The following MCF2 variants were observed in gnomAD, a reference collection of about 807,000 sequenced individuals.
MCF2 encodes MCF.2 cell line derived transforming sequence.
A neutral mutation model predicts 82.5 loss-of-function variants in MCF2; 44 were observed. That is an observed-to-expected ratio of 0.53 (90% CI 0.42 to 0.69). The LOEUF is 0.69. MCF2 is among the 30% of genes least tolerant of loss of function. The pLI, the probability that MCF2 is intolerant of heterozygous loss-of-function variation, is 0.00. For missense variants in MCF2, 623 were observed against 663.1 expected, an observed-to-expected ratio of 0.94 and a Z score of 0.66; for synonymous variants, 217 against 224.9, an observed-to-expected ratio of 0.96 and a Z score of 0.32.
intron 6 of MCF2, among the ~76,000 whole-genome samples, chrX:139,623,397 A>AT (rs1407881508): frequency 1.8e-5 from 2 of 111,684 alleles, no homozygotes; most frequent in African/African-American, 6.6e-5. Context: ...CTATGCAGCC[A>AT]TAAAAAAAAC....
At chrX:139,626,544 A>G (rs1028679253) in intron 5 of MCF2, 79 bp downstream of exon 8, 1 of 972,290 alleles carries the variant, frequency 1.0e-6, no homozygotes. Flanking sequence ...TTTAACACTT[A>G]ACATATTGCA....
intron 6 of MCF2, among the ~76,000 whole-genome samples, chrX:139,621,283 C>A (rs150053013): frequency 3.0e-4 from 33 of 111,494 alleles, no homozygotes; most frequent in South Asian, 2.2e-3. Flanking sequence ...TGGACATTGG[C>A]CTTGGGAAAG....
chrX:139,633,978 A>G, intron 1 of MCF2, among the ~76,000 whole-genome samples: 1 of 111,733 alleles, frequency 8.9e-6, no homozygotes, highest in Non-Finnish European at 1.9e-5. Flanking sequence ...AACTGGTTGA[A>G]TAGTACAACC....
At chrX:139,622,275 A>G (rs1354199718) in intron 6 of MCF2, among the ~76,000 whole-genome samples, 10 of 111,556 alleles carry the variant, frequency 9.0e-5, no homozygotes, top group South Asian at 3.8e-4. Flanking sequence ...CTTTTACATT[A>G]TTGGTGGGAC....
intron 1 of MCF2, among the ~76,000 whole-genome samples, chrX:139,695,032 C>CT (rs200562872): frequency 0.074 from 7,033 of 94,757 alleles, 253 homozygotes; most frequent in East Asian, 0.15. Context: ...TGTATTCTTT[C>CT]TTTTTTTTTT....
intron 1 of MCF2, among the ~76,000 whole-genome samples, chrX:139,663,576 G>GT (rs57739559): frequency 0.046 from 3,981 of 86,268 alleles, 180 homozygotes; most frequent in African/African-American, 0.13. Context: ...AGTTTGCTTT[G>GT]TTTTTTTTTT....
chrX:139,594,820 C>A (rs1334038562), intron 19 of MCF2, among the ~76,000 whole-genome samples: 1 of 110,960 alleles, frequency 9.0e-6, no homozygotes, highest in Non-Finnish European at 1.9e-5. Context: ...TTTTCGCAAC[C>A]TACTCACCTG....
intron 1 of MCF2, among the ~76,000 whole-genome samples, chrX:139,665,877 G>T (rs1603303732): frequency 1.2e-5 from 1 of 81,189 alleles, no homozygotes; most frequent in African/African-American, 4.6e-5. Context: ...GATTTTTATG[G>T]GTACATGGTA....
intron 1 of MCF2, among the ~76,000 whole-genome samples, chrX:139,673,053 T>G (rs1176030032): frequency 2.7e-5 from 3 of 111,909 alleles, no homozygotes; most frequent in Non-Finnish European, 5.6e-5. Context: ...GGAGGGTGTA[T>G]GTGTCGAGGA....
chrX:139,700,076 C>A (rs1935459047), intron 1 of MCF2, among the ~76,000 whole-genome samples: 1 of 111,252 alleles, frequency 9.0e-6, no homozygotes, highest in Non-Finnish European at 1.9e-5. Flanking sequence ...TTTCAGAGGA[C>A]CCTGATGGAA....
chrX:139,688,840 G>A (rs985846250), intron 1 of MCF2, among the ~76,000 whole-genome samples: 1 of 111,507 alleles, frequency 9.0e-6, no homozygotes, highest in Admixed American at 9.5e-5. Flanking sequence ...GCCAGGAGAT[G>A]TTTAATGAAC....
intron 1 of MCF2, among the ~76,000 whole-genome samples, chrX:139,673,333 T>A (rs1934762854): frequency 8.9e-6 from 1 of 111,811 alleles, no homozygotes; most frequent in Non-Finnish European, 1.9e-5. Flanking sequence ...TGCTCTGATC[T>A]TAGTTATTTA....
At chrX:139,622,705 G>A (rs765253396) in intron 6 of MCF2, among the ~76,000 whole-genome samples, 2 of 108,042 alleles carry the variant, frequency 1.9e-5, no homozygotes, top group East Asian at 5.9e-4. Context: ...CACAGAAAGG[G>A]GAACATCACA....
chrX:139,602,305 T>C, intron 16 of MCF2, 101 bp downstream of exon 20: 1 of 652,060 alleles, frequency 1.5e-6, no homozygotes, highest in Non-Finnish European at 2.5e-6. Context: ...TATACGTATA[T>C]GCACATGTAA....
At chrX:139,681,435 A>G (rs1435090924) in intron 1 of MCF2, among the ~76,000 whole-genome samples, 1 of 112,233 alleles carries the variant, frequency 8.9e-6, no homozygotes, top group Non-Finnish European at 1.9e-5. Context: ...CCATTAAGAC[A>G]AAACTGGGCA....
intron 15 of MCF2, among the ~76,000 whole-genome samples, chrX:139,604,252 T>A (rs187466492): frequency 9.1e-6 from 1 of 109,860 alleles, no homozygotes; most frequent in East Asian, 2.9e-4. Context: ...TCAGACTAGA[T>A]CCAATTCTAA....
intron 20 of MCF2, 100 bp downstream of exon 24, chrX:139,589,735 G>A (rs1929324280): frequency 1.7e-6 from 1 of 573,667 alleles, no homozygotes; most frequent in Non-Finnish European, 2.9e-6. Context: ...GAAAGGGGTG[G>A]AAATTTTGAA....
chrX:139,631,931 T>C (rs1932946359), intron 2 of MCF2, among the ~76,000 whole-genome samples: 1 of 111,253 alleles, frequency 9.0e-6, no homozygotes, highest in East Asian at 2.8e-4. Flanking sequence ...AACAAAAATA[T>C]TTTTAAAAAG....
intron 19 of MCF2, among the ~76,000 whole-genome samples, chrX:139,595,583 G>A (rs1243072735): frequency 1.3e-5 from 1 of 76,003 alleles, no homozygotes; most frequent in African/African-American, 4.8e-5. Context: ...GTTGTGGGGT[G>A]GGGGGAGGGG....
Sources: gnomAD v4.1 joint callset for allele counts (sites outside exome capture counted in the v4.1 genomes callset) on GRCh38, gnomAD v4.1.1 for gene constraint, MANE v1.5 for transcripts, NCBI Gene and HGNC (gene_info 2026-07-23, HGNC 2026-07-21) for gene names.